ARMCX4: variants seen among roughly 807,000 people sequenced by gnomAD.
ARMCX4 encodes the protein armadillo repeat containing X-linked 4.
Under a neutral mutation model 34.7 loss-of-function variants are expected in ARMCX4, and 3 were observed. That is an observed-to-expected ratio of 0.09 (90% CI 0.04 to 0.22). The LOEUF (loss-of-function observed/expected upper bound fraction) is 0.22. ARMCX4 is among the 10% of genes least tolerant of loss of function. ARMCX4 has a pLI of 1.00. For synonymous variants in ARMCX4, 513 were observed against 632.8 expected (o/e 0.81, Z 2.84); for missense variants, 1,448 against 1,720.8 (o/e 0.84, Z 2.81).
intron 2 of ARMCX4, among the ~76,000 whole-genome samples, chrX:101,429,019 C>T (rs966914028): frequency 9.2e-5 from 10 of 108,202 alleles, no homozygotes; most frequent in South Asian, 4.0e-4. Context: ...CCACCATGCC[C>T]GGCTAATTTT....
At chrX:101,439,270 CT>C (rs1287161622) in intron 2 of ARMCX4, among the ~76,000 whole-genome samples, 4 of 111,535 alleles carry the variant, frequency 3.6e-5, no homozygotes, top group African/African-American at 1.3e-4. Flanking sequence ...GTTGAAAATT[CT>C]TTTCTTTAAG....
At chrX:101,454,967 G>A (rs983169722) in intron 4 of ARMCX4, among the ~76,000 whole-genome samples, 1 of 110,969 alleles carries the variant, frequency 9.0e-6, no homozygotes, top group African/African-American at 3.3e-5. Flanking sequence ...CATTCATGAG[G>A]GCTCCATGCT....
intron 4 of ARMCX4, among the ~76,000 whole-genome samples, chrX:101,464,082 A>G (rs1165023237): frequency 9.1e-6 from 1 of 109,874 alleles, no homozygotes; most frequent in Middle Eastern, 4.4e-3. Context: ...TTTAAATAAT[A>G]TGTGTTCAGG....
chrX:101,463,190 T>G (rs2147610085), intron 4 of ARMCX4, among the ~76,000 whole-genome samples: 1 of 111,831 alleles, frequency 8.9e-6, no homozygotes, highest in East Asian at 2.8e-4. Flanking sequence ...CTATAATGAC[T>G]TCCCGAATCA....
chrX:101,427,110 A>C (rs1929669485), intron 2 of ARMCX4, among the ~76,000 whole-genome samples: 1 of 111,382 alleles, frequency 9.0e-6, no homozygotes, highest in African/African-American at 3.3e-5. Context: ...AGTACATATA[A>C]TTTTCATTTT....
chrX:101,492,629 A>G lies in ARMCX4; in HGVS notation c.4040A>G (p.Gln1347Arg). The stretch of plus-strand genomic sequence containing the variant: ...GGGTCAATGTTGGGGCCTGAGGACC[A>G]GTCCAGTGGAAGGTCTTGGGCTGAC... ...SGGSMLGPED[Q>R]SSGRSWADTA... The change falls in exon 6 of 6, where the codon CAG (glutamine) becomes CGG (arginine). Residue 1347 changes from glutamine to arginine, a missense_variant. By Grantham distance (43) the Gln-to-Arg change is conservative. Around this residue, in one of 2 missense-constraint regions of ARMCX4, gnomAD observed 1,343 missense variants for 1,540.7 expected, o/e 0.87. Coordinates refer to ENST00000423738, the MANE Select transcript of ARMCX4 (RefSeq NM_001256155.3). The G allele has an allele frequency of 8.9e-7, 1 of 1,128,225 alleles. No homozygotes were observed. 93.0% of individuals were successfully genotyped at this position (1,128,225 alleles called of 1,213,427 possible). A position where few individuals can be genotyped will look rare whatever the true frequency, so the allele number is the denominator to read the frequency against.
chrX:101,466,675 C>G (rs1932797606), intron 4 of ARMCX4, among the ~76,000 whole-genome samples: 1 of 111,729 alleles, frequency 9.0e-6, no homozygotes, highest in Non-Finnish European at 1.9e-5. Flanking sequence ...AGTTATAGGA[C>G]AGAAATCAGA....
At position 101,488,566 on chromosome X, in the gene ARMCX4, C is replaced by T. The variant is rs1239234438; in HGVS notation, c.-24C>T. On this transcript the variant is annotated 5_prime_UTR_variant, in exon 6 of 6. Transcript: ENST00000423738. Reference sequence around the variant, plus strand: ...CGAGTGCGCTCTACCATACCTTGTTCGTGCTTTTAGCAGGGGTGATTACAT... The same window carrying T: ...CGAGTGCGCTCTACCATACCTTGTTTGTGCTTTTAGCAGGGGTGATTACAT... 30 of 1,155,887 alleles carry T rather than the reference C, an allele frequency of 2.6e-5. No homozygotes were observed. The highest frequency in any genetic ancestry group is 3.6e-5 in the African/African-American group (2 of 56,254).
chrX:101,491,309 C>T lies in ARMCX4; in HGVS notation c.2720C>T (p.Ser907Phe). The change falls in exon 6 of 6, where the codon TCT becomes TTT. Residue 907 changes from serine to phenylalanine, a missense_variant. Ser to Phe is a radical substitution (Grantham distance 155, BLOSUM62 -2). This residue lies in a region of ARMCX4 where 1,343 missense variants were observed against 1,540.7 expected (regional missense o/e 0.87). Transcript: ENST00000423738. ...GGGGCCAGAGAAGATACAATGGGCTCTGCCCAGCCTCAGGTTGTGGCCAAC... is the reference window on the plus strand; with the variant it reads ...GGGGCCAGAGAAGATACAATGGGCTTTGCCCAGCCTCAGGTTGTGGCCAAC... ...KAGAREDTMG[S>F]AQPQVVANSQ... 1 of 1,156,296 alleles carries T rather than the reference C, an allele frequency of 8.6e-7. No homozygotes were observed. The highest frequency in any genetic ancestry group is 1.1e-6 in the Non-Finnish European group (1 of 872,903).
downstream of ARMCX4, among the ~76,000 whole-genome samples, chrX:101,446,804 A>G (rs1474855362): frequency 9.0e-6 from 1 of 110,746 alleles, no homozygotes; most frequent in Non-Finnish European, 1.9e-5. Context: ...AACTACAAAA[A>G]TTAGCCGGGC....
At chrX:101,496,716 A>G (rs782146528), downstream of ARMCX4, among the ~76,000 whole-genome samples, 9 of 111,422 alleles carry the variant, frequency 8.1e-5, no homozygotes, top group South Asian at 3.5e-3. Flanking sequence ...TGTTGTTGGG[A>G]TACACATAGA....
At chrX:101,449,644 T>G (rs1386520772), downstream of ARMCX4, among the ~76,000 whole-genome samples, 1 of 112,156 alleles carries the variant, frequency 8.9e-6, no homozygotes, top group Non-Finnish European at 1.9e-5. Context: ...TTGAATTTCC[T>G]CAATACAGCT....
At chrX:101,497,937 C>T (rs1046820380), downstream of ARMCX4, among the ~76,000 whole-genome samples, 1 of 111,416 alleles carries the variant, frequency 9.0e-6, no homozygotes, top group Admixed American at 9.5e-5. Flanking sequence ...ATTTTAATTG[C>T]CAGGAGTGCG....
intron 11 of ARMCX4, among the ~76,000 whole-genome samples, chrX:101,522,675 G>T (rs1178227584): frequency 3.6e-5 from 4 of 111,623 alleles, no homozygotes; most frequent in African/African-American, 6.5e-5. Context: ...CTTAGAGGTT[G>T]CCCTTGGAGT....
At chrX:101,527,353 G>T in intron 11 of ARMCX4, among the ~76,000 whole-genome samples, 1 of 111,874 alleles carries the variant, frequency 8.9e-6, no homozygotes. Context: ...GAAATTTATA[G>T]CACTAAATGC....
intron 4 of ARMCX4, among the ~76,000 whole-genome samples, chrX:101,473,691 C>T (rs1446202361): frequency 9.7e-6 from 1 of 103,030 alleles, no homozygotes; most frequent in Admixed American, 1.1e-4. Context: ...AACTGAACAA[C>T]CTGCTCCTGA....
At chrX:101,504,394 C>T (rs915763098) in intron 7 of ARMCX4, among the ~76,000 whole-genome samples, 4 of 109,622 alleles carry the variant, frequency 3.6e-5, no homozygotes, top group African/African-American at 1.0e-4. Flanking sequence ...GCCATTTTCA[C>T]GATATTGATT....
In ARMCX4 at chrX:101,470,052, C is replaced by G. The variant is rs1019807970; in HGVS notation, c.-472-15971C>G. ...AGTGTTCTGCTGCTGCTGTACACTG[C>G]CACATCAATAAAAGTTGCTGTCTAA... is the stretch of plus-strand genomic sequence containing the variant. On this transcript the variant is annotated intron_variant and NMD_transcript_variant, in intron 4 of 15. Coordinates refer to the ARMCX4 transcript ENST00000433011. Among the ~76,000 whole-genome samples, 7 of 112,026 alleles carry G rather than the reference C, an allele frequency of 6.2e-5. No homozygotes were observed. In the Admixed American group the frequency reaches 6.6e-4, roughly 11 times the overall value.
At chrX:101,432,724 A>G (rs1370383526) in intron 2 of ARMCX4, among the ~76,000 whole-genome samples, 3 of 88,618 alleles carry the variant, frequency 3.4e-5, no homozygotes, top group Non-Finnish European at 4.6e-5. Flanking sequence ...ACATATATGT[A>G]TATACACATA....
Sources: gnomAD v4.1 joint callset for allele counts (sites outside exome capture counted in the v4.1 genomes callset) on GRCh38, gnomAD v4.1.1 for gene constraint, gnomAD v4.1.1 regional missense constraint, MANE v1.5 for transcripts, NCBI Gene and HGNC (gene_info 2026-07-23, HGNC 2026-07-21) for gene names.